Variants in FRAS1 observed in about 807,000 individuals in gnomAD.
FRAS1 encodes Fraser extracellular matrix complex subunit 1, also known as extracellular matrix organizing protein FRAS1.
In FRAS1, 290 loss-of-function variants were observed where a neutral mutation model predicts 435.2. The ratio of observed to expected loss-of-function variants is 0.67; its 90% CI spans 0.61 to 0.73. The LOEUF (loss-of-function observed/expected upper bound fraction) is 0.73. Among genes scored for constraint, FRAS1 ranks in the 30% least tolerant of loss-of-function variants. The pLI, the probability that FRAS1 is intolerant of heterozygous loss-of-function variation, is 0.00. For synonymous variants in FRAS1, 1,800 were observed against 1,851.0 expected, an observed-to-expected ratio of 0.97 and a Z score of 0.71; for missense variants, 4,860 against 5,001.5, an observed-to-expected ratio of 0.97 and a Z score of 0.85.
At chr4:78,098,516 C>T (rs1297802854) in intron 2 of FRAS1, among the ~76,000 whole-genome samples, 1 of 152,084 alleles carries the variant, frequency 6.6e-6, no homozygotes, top group Non-Finnish European at 1.5e-5. Flanking sequence ...CTCAAGTTAT[C>T]CATCCATCTT....
At chr4:78,347,777 G>A (rs1730662640) in intron 20 of FRAS1, among the ~76,000 whole-genome samples, 2 of 57,114 alleles carry the variant, frequency 3.5e-5, no homozygotes, top group South Asian at 7.1e-4. Flanking sequence ...GTGTGTGCGT[G>A]TGTGTGTGTG....
intron 14 of FRAS1, among the ~76,000 whole-genome samples, chr4:78,293,759 T>A (rs1388968526): frequency 1.3e-5 from 2 of 152,192 alleles, no homozygotes; most frequent in African/African-American, 2.4e-5. Flanking sequence ...TATATTCATA[T>A]GCAGAAAAAA....
At chr4:78,413,607 G>A (rs930819159) in intron 32 of FRAS1, among the ~76,000 whole-genome samples, 5 of 152,304 alleles carry the variant, frequency 3.3e-5, no homozygotes, top group African/African-American at 9.6e-5. Context: ...TGATGACAAA[G>A]GGCACTGCCA....
At chr4:78,135,230 T>C (rs1719873165) in intron 2 of FRAS1, among the ~76,000 whole-genome samples, 1 of 152,212 alleles carries the variant, frequency 6.6e-6, no homozygotes, top group African/African-American at 2.4e-5. Context: ...ATAGTCAGTC[T>C]TCCTCTTTCC....
intron 20 of FRAS1, among the ~76,000 whole-genome samples, chr4:78,360,306 C>A (rs1165556135): frequency 6.6e-6 from 1 of 152,006 alleles, no homozygotes; most frequent in Admixed American, 6.6e-5. Context: ...AAGAGCAATA[C>A]CACAGTAAAA....
chr4:78,299,434 G>T (rs1156780620), intron 14 of FRAS1, among the ~76,000 whole-genome samples: 1 of 152,222 alleles, frequency 6.6e-6, no homozygotes, highest in Non-Finnish European at 1.5e-5. Context: ...ATGGTGTCGG[G>T]TGGAGATTCC....
At chr4:78,129,605 A>G (rs537340648) in intron 2 of FRAS1, among the ~76,000 whole-genome samples, 1 of 152,224 alleles carries the variant, frequency 6.6e-6, no homozygotes, top group Admixed American at 6.5e-5. Flanking sequence ...TTGCACATGC[A>G]CAGAACAGGG....
At chr4:78,482,846 C>G (rs1351452818) in intron 58 of FRAS1, among the ~76,000 whole-genome samples, 1 of 152,080 alleles carries the variant, frequency 6.6e-6, no homozygotes. Flanking sequence ...TGATAAATGA[C>G]CTAATAGTAC....
intron 40 of FRAS1, among the ~76,000 whole-genome samples, chr4:78,440,731 T>G (rs1734626072): frequency 6.6e-6 from 1 of 152,210 alleles, no homozygotes; most frequent in African/African-American, 2.4e-5. Context: ...ACTTTTATTC[T>G]GGATGAGAAT....
chr4:78,274,808 G>A (rs1726910142), intron 9 of FRAS1, among the ~76,000 whole-genome samples: 1 of 152,182 alleles, frequency 6.6e-6, no homozygotes, highest in Non-Finnish European at 1.5e-5. Context: ...GGGGTGGAGA[G>A]TTCTGTAGAT....
At chr4:78,374,696 T>C (rs1175400959) in intron 25 of FRAS1, among the ~76,000 whole-genome samples, 1 of 152,170 alleles carries the variant, frequency 6.6e-6, no homozygotes, top group Non-Finnish European at 1.5e-5. Context: ...TTTATGAAAC[T>C]CAAGTTGAAC....
chr4:78,305,041 C>T (rs1263928796), intron 14 of FRAS1, among the ~76,000 whole-genome samples: 1 of 152,162 alleles, frequency 6.6e-6, no homozygotes, highest in Non-Finnish European at 1.5e-5. Flanking sequence ...GAATGTGTCC[C>T]AGAGATTCTG....
intron 6 of FRAS1, among the ~76,000 whole-genome samples, chr4:78,256,683 T>C (rs1355847561): frequency 6.6e-6 from 1 of 152,234 alleles, no homozygotes; most frequent in Non-Finnish European, 1.5e-5. Flanking sequence ...TTACAGTTTG[T>C]ATTGATATAC....
chr4:78,157,285 T>A (rs1489694343), intron 2 of FRAS1, among the ~76,000 whole-genome samples: 1 of 152,246 alleles, frequency 6.6e-6, no homozygotes. Flanking sequence ...GTGATGAACA[T>A]GTACATGCAT....
intron 2 of FRAS1, among the ~76,000 whole-genome samples, chr4:78,195,133 G>C (rs1722743374): frequency 6.6e-6 from 1 of 152,208 alleles, no homozygotes; most frequent in South Asian, 2.1e-4. Context: ...TCCTCCGGAA[G>C]TTTTGTCTCA....
At chr4:78,370,872 A>G (rs1194221061) in intron 23 of FRAS1, among the ~76,000 whole-genome samples, 1 of 152,180 alleles carries the variant, frequency 6.6e-6, no homozygotes, top group South Asian at 2.1e-4. Context: ...GCTCCTGTCC[A>G]TTTCCTCATT....
At chr4:78,298,026 CTCTCTATATA>C (rs1292070891) in intron 14 of FRAS1, among the ~76,000 whole-genome samples, 22 of 113,366 alleles carry the variant, frequency 1.9e-4, no homozygotes, top group African/African-American at 6.7e-4. Context: ...CTCTCTCTCT[CTCTCTATATA>C]TATATATATA....
Position 78,384,619 on chromosome 4 carries a change from T to A in FRAS1, c.3648+476T>A, listed in dbSNP as rs1732148873. ...CAGCCCTTCCAAATAGTTGGCAGGG[T>A]GCAGTGGCTCATGCCTATAATCTCA... On this transcript the variant is annotated intron_variant, in intron 28 of 73. Transcript: ENST00000512123. Among the ~76,000 whole-genome samples the A allele has an allele frequency of 2.0e-5, 3 of 151,886 alleles. No individual in the cohort carries two copies. In the South Asian group the frequency reaches 6.3e-4, roughly 32 times the overall value.
chr4:78,359,365 C>T (rs1401849116), intron 20 of FRAS1, among the ~76,000 whole-genome samples: 2 of 152,140 alleles, frequency 1.3e-5, no homozygotes, highest in African/African-American at 2.4e-5. Flanking sequence ...CCGTGGAGAT[C>T]GTTACTCATT....
Sources: gnomAD v4.1 joint callset for allele counts (sites outside exome capture counted in the v4.1 genomes callset) on GRCh38, gnomAD v4.1.1 for gene constraint, MANE v1.5 for transcripts, NCBI Gene and HGNC (gene_info 2026-07-23, HGNC 2026-07-21) for gene names.